Variants in EFHC2 observed in about 807,000 individuals in gnomAD.
EFHC2 encodes the protein EF-hand domain-containing family member C2.
A neutral mutation model predicts 52.7 loss-of-function variants in EFHC2; 18 were observed. The observed-to-expected ratio is 0.34, with a 90% confidence interval of 0.24 to 0.51. EFHC2 has a LOEUF of 0.51. Ranked by LOEUF, EFHC2 falls within the 20% of genes least tolerant of loss-of-function variation. The pLI is 0.97. For synonymous variants in EFHC2, 203 were observed against 204.1 expected (o/e 0.99, Z 0.04); for missense variants, 513 against 562.5 (o/e 0.91, Z 0.89).
intron 8 of EFHC2, among the ~76,000 whole-genome samples, chrX:44,241,847 G>A (rs746628319): frequency 5.4e-5 from 6 of 111,549 alleles, no homozygotes; most frequent in Non-Finnish European, 1.1e-4. Context: ...TCCTATTTTC[G>A]GGAGACAGAT....
At chrX:44,221,347 A>G (rs768597761) in intron 11 of EFHC2, among the ~76,000 whole-genome samples, 3 of 111,616 alleles carry the variant, frequency 2.7e-5, no homozygotes, top group Non-Finnish European at 3.8e-5. Context: ...ATAAGCGTAT[A>G]AAGGCATTTT....
chrX:44,212,907 G>C (rs1009900413), intron 11 of EFHC2, among the ~76,000 whole-genome samples: 1 of 107,292 alleles, frequency 9.3e-6, no homozygotes, highest in Non-Finnish European at 1.9e-5. Context: ...TAGAGACAGC[G>C]TTTCACCATG....
intron 2 of EFHC2, among the ~76,000 whole-genome samples, chrX:44,276,652 G>T (rs1311000748): frequency 8.9e-6 from 1 of 112,131 alleles, no homozygotes; most frequent in Non-Finnish European, 1.9e-5. Context: ...TTGTAGAGAA[G>T]AATCTATCCT....
chrX:44,211,392 G>T (rs1178498870), intron 11 of EFHC2, among the ~76,000 whole-genome samples: 1 of 110,597 alleles, frequency 9.0e-6, no homozygotes, highest in Non-Finnish European at 1.9e-5. Flanking sequence ...GCCAGGCGTG[G>T]TGGTGTGCAC....
At chrX:44,163,201 C>T (rs1165230751) in intron 14 of EFHC2, among the ~76,000 whole-genome samples, 1 of 112,195 alleles carries the variant, frequency 8.9e-6, no homozygotes, top group Non-Finnish European at 1.9e-5. Flanking sequence ...TCAGCAGAGA[C>T]CAGGAGAAAT....
At chrX:44,336,116 G>C in intron 1 of EFHC2, among the ~76,000 whole-genome samples, 1 of 102,653 alleles carries the variant, frequency 9.7e-6, no homozygotes, top group Non-Finnish European at 2.0e-5. Flanking sequence ...GCCGGGTGTG[G>C]TGGCTCAGGC....
intron 7 of EFHC2, among the ~76,000 whole-genome samples, chrX:44,245,252 G>A (rs1461328449): frequency 8.9e-6 from 1 of 112,032 alleles, no homozygotes; most frequent in Non-Finnish European, 1.9e-5. Context: ...TAAGATTTTT[G>A]TTGAATCTAA....
chrX:44,225,331 G>C (rs145932623), intron 11 of EFHC2, among the ~76,000 whole-genome samples: 186 of 110,359 alleles, frequency 1.7e-3, no homozygotes, highest in African/African-American at 5.7e-3. Context: ...GGTCTATTCT[G>C]AGGCAAATAT....
At chrX:44,260,738 A>T (rs2147344812) in intron 4 of EFHC2, among the ~76,000 whole-genome samples, 1 of 112,168 alleles carries the variant, frequency 8.9e-6, no homozygotes, top group African/African-American at 3.2e-5. Context: ...CAAAAACACA[A>T]GCCAAGGAAA....
At chrX:44,301,277 A>G (rs1166659186) in intron 2 of EFHC2, among the ~76,000 whole-genome samples, 2 of 108,830 alleles carry the variant, frequency 1.8e-5, no homozygotes, top group Non-Finnish European at 3.8e-5. Context: ...TCAACTCCCT[A>G]TGATTTCCAA....
intron 11 of EFHC2, among the ~76,000 whole-genome samples, chrX:44,191,488 C>T (rs910638985): frequency 2.7e-5 from 3 of 111,725 alleles, no homozygotes; most frequent in Non-Finnish European, 3.8e-5. Flanking sequence ...CCACCTGCTT[C>T]GGCCTCCCAA....
At chrX:44,174,369 G>A (rs779682240) in intron 13 of EFHC2, among the ~76,000 whole-genome samples, 2 of 110,753 alleles carry the variant, frequency 1.8e-5, no homozygotes, top group Non-Finnish European at 3.8e-5. Context: ...TTATTTATAG[G>A]TGGTAAATCA....
rs776527681 is a variant in EFHC2, at chrX:44,203,574, A to G, written c.1752-25010T>C. On this transcript the variant is annotated intron_variant, in intron 11 of 14. Transcript: ENST00000420999. ...AGACAAGAAGCTGGTGCACTCCCCA[A>G]ACCCGCCTCTGAGACTTCATTTTTT... Among the ~76,000 whole-genome samples, 3 of 110,634 alleles carry G rather than the reference A, an allele frequency of 2.7e-5. No homozygotes were observed. The South Asian group carries it at 1.2e-3, about 43-fold the overall frequency.
chrX:44,308,987 TCTTTCAA>T (rs1408753301), intron 2 of EFHC2, among the ~76,000 whole-genome samples: 1 of 112,832 alleles, frequency 8.9e-6, no homozygotes, highest in Non-Finnish European at 1.9e-5. Context: ...TGAGGCTGCA[TCTTTCAA>T]CTTTCAACTC....
rs2147334481 is a variant in EFHC2 at position 44,248,320 on chromosome X, C to T, written c.1063G>A (p.Asp355Asn). The T allele has an allele frequency of 1.7e-6, 2 of 1,166,692 alleles. No homozygotes were observed. Among genetic ancestry groups the T allele is most frequent in the Non-Finnish European group, 1.1e-6 (1 of 871,115 alleles). ...NVWGRKVLLY[D>N]CDEFTKSYYK... ...TAAGACTTCGTAAATTCATCACAGT[C>T]ATAAAGGAGCACTTTTCTTCCCCAC... Residue 355 changes from aspartate to asparagine, a missense_variant, in exon 7 of 15, where the codon GAC (aspartate) becomes AAC (asparagine). Coordinates refer to ENST00000420999, the MANE Select transcript of EFHC2 (RefSeq NM_025184.4).
At position 44,261,061 on chromosome X, in the gene EFHC2, C is replaced by T. The variant is rs770111943; in HGVS notation, c.606+14G>A. The T allele has an allele frequency of 3.4e-6, 4 of 1,190,957 alleles. No homozygotes were observed. The highest frequency in any genetic ancestry group is 3.0e-5 in the East Asian group (1 of 33,695). On this transcript the variant is annotated intron_variant, in intron 4 of 14. Coordinates refer to ENST00000420999, the MANE Select transcript of EFHC2 (RefSeq NM_025184.4). ...ATTTTGAAGACAAGAACTCAACAAA[C>T]GTCAATTCCTTACCTCTCTCCGAAT... is the stretch of plus-strand genomic sequence containing the variant.
chrX:44,281,166 C>T (rs934509927), intron 2 of EFHC2, among the ~76,000 whole-genome samples: 4 of 111,889 alleles, frequency 3.6e-5, no homozygotes, highest in African/African-American at 1.3e-4. Flanking sequence ...GTGATCCACC[C>T]GCCTCAGCCT....
intron 11 of EFHC2, among the ~76,000 whole-genome samples, chrX:44,217,848 T>C (rs1327821471): frequency 8.9e-6 from 1 of 112,147 alleles, no homozygotes; most frequent in Non-Finnish European, 1.9e-5. Context: ...TAGAGTGTCA[T>C]TAGACTGTTT....
intron 1 of EFHC2, among the ~76,000 whole-genome samples, chrX:44,335,209 AAAAG>A (rs1013662730): frequency 9.0e-6 from 1 of 111,199 alleles, no homozygotes; most frequent in Non-Finnish European, 1.9e-5. Flanking sequence ...AATTAAAAAA[AAAAG>A]AAAGAAGAGA....
Sources: gnomAD v4.1 joint callset for allele counts (sites outside exome capture counted in the v4.1 genomes callset) on GRCh38, gnomAD v4.1.1 for gene constraint, MANE v1.5 for transcripts, NCBI Gene and HGNC (gene_info 2026-07-23, HGNC 2026-07-21) for gene names.